The following RGS6 variants were observed in gnomAD, a reference collection of about 807,000 sequenced individuals.
RGS6 encodes the protein regulator of G protein signaling 6, also known as regulator of G-protein signaling 6.
A neutral mutation model predicts 78.5 loss-of-function variants in RGS6; 30 were observed. The observed-to-expected ratio is 0.38, with a 90% CI of 0.29 to 0.52. The LOEUF is 0.52. Among genes scored for constraint, RGS6 ranks in the 20% least tolerant of loss-of-function variants. The pLI, the probability that RGS6 is intolerant of heterozygous loss-of-function variation, is 0.85. For synonymous variants in RGS6, 206 were observed against 206.0 expected (o/e 1.00, Z 0.00); for missense variants, 495 against 609.7 (o/e 0.81, Z 1.98).
intron 3 of RGS6, among the ~76,000 whole-genome samples, chr14:72,403,487 G>T (rs2092657652): frequency 6.6e-6 from 1 of 152,148 alleles, no homozygotes; most frequent in South Asian, 2.1e-4. Context: ...TTGGTTCAAG[G>T]TTACAAAATT....
chr14:71,889,891 G>A, the RGS6 span, among the ~76,000 whole-genome samples: 3 of 151,986 alleles, frequency 2.0e-5, no homozygotes, highest in African/African-American at 7.3e-5. Context: ...AAAGTGTGTA[G>A]CACCTCCTCT....
chr14:72,446,719 T>C (rs1459933201), intron 3 of RGS6, among the ~76,000 whole-genome samples: 1 of 152,216 alleles, frequency 6.6e-6, no homozygotes, highest in East Asian at 1.9e-4. Context: ...TGAGCTTGTT[T>C]TCCTGTAACT....
chr14:72,083,336 C>A (rs1024408000), intron 2 of RGS6, among the ~76,000 whole-genome samples: 1 of 152,170 alleles, frequency 6.6e-6, no homozygotes, highest in African/African-American at 2.4e-5. Context: ...GGGTCCCCTA[C>A]TACTGGTATC....
chr14:71,868,133 G>A, the RGS6 span, among the ~76,000 whole-genome samples: 2 of 152,168 alleles, frequency 1.3e-5, no homozygotes, highest in Non-Finnish European at 2.9e-5. Flanking sequence ...AACATCAGCA[G>A]GAATTGCATA....
the RGS6 span, among the ~76,000 whole-genome samples, chr14:71,873,437 C>T: frequency 6.2e-3 from 946 of 152,258 alleles, 9 homozygotes; most frequent in Non-Finnish European, 0.01. Context: ...GCATAAATGT[C>T]TTCTTTTGAG....
At chr14:72,114,507 T>G (rs1163199584) in intron 2 of RGS6, among the ~76,000 whole-genome samples, 1 of 152,196 alleles carries the variant, frequency 6.6e-6, no homozygotes, top group East Asian at 1.9e-4. Context: ...GCTGTCATCT[T>G]CATAATGTGG....
At chr14:72,192,823 T>TAGCCATGGA (rs2097344288) in intron 2 of RGS6, among the ~76,000 whole-genome samples, 1 of 152,186 alleles carries the variant, frequency 6.6e-6, no homozygotes, top group South Asian at 2.1e-4. Context: ...GCTCTCTTAT[T>TAGCCATGGA]AGCCTTCAGG....
chr14:72,452,237 TCTCTCTCTCTCTCTCTCC>T (rs2095514175), intron 3 of RGS6, among the ~76,000 whole-genome samples: 3 of 151,924 alleles, frequency 2.0e-5, no homozygotes. Flanking sequence ...TCTCTCTCTC[TCTCTCTCTCTCTCTCTCC>T]AAGAATACGA....
the RGS6 span, among the ~76,000 whole-genome samples, chr14:72,573,944 A>G: frequency 6.6e-6 from 1 of 152,354 alleles, no homozygotes; most frequent in South Asian, 2.1e-4. Flanking sequence ...GAGCCCTCAG[A>G]TAAATGCATC....
chr14:72,062,728 G>T (rs1238055831), intron 2 of RGS6, among the ~76,000 whole-genome samples: 1 of 152,244 alleles, frequency 6.6e-6, no homozygotes, highest in Admixed American at 6.5e-5. Flanking sequence ...TATTGCATAT[G>T]TGAGCCTGGA....
intron 1 of RGS6, among the ~76,000 whole-genome samples, chr14:71,940,200 A>C (rs1260577632): frequency 6.6e-6 from 1 of 152,202 alleles, no homozygotes; most frequent in African/African-American, 2.4e-5. Flanking sequence ...GTAGTCCCCG[A>C]AATGTCTGAT....
intron 2 of RGS6, among the ~76,000 whole-genome samples, chr14:71,985,343 C>G (rs567373915): frequency 7.9e-5 from 12 of 152,132 alleles, no homozygotes; most frequent in South Asian, 2.1e-4. Flanking sequence ...AGAATGGTCT[C>G]GATCTCTTGA....
chr14:71,870,796 T>G, the RGS6 span, among the ~76,000 whole-genome samples: 20 of 152,258 alleles, frequency 1.3e-4, no homozygotes, highest in African/African-American at 4.1e-4. Context: ...CCTCCCAGTG[T>G]GGGCCCAGGA....
At chr14:72,623,444 G>A in the RGS6 span, among the ~76,000 whole-genome samples, 50 of 152,030 alleles carry the variant, frequency 3.3e-4, no homozygotes, top group Non-Finnish European at 5.6e-4. Context: ...TCCTTAGTAG[G>A]ACATACCTTA....
chr14:72,261,700 C>T (rs979856543), intron 2 of RGS6, among the ~76,000 whole-genome samples: 2 of 152,156 alleles, frequency 1.3e-5, no homozygotes, highest in Admixed American at 1.3e-4. Context: ...GAAGGAGGCA[C>T]CTTCTCTTGC....
chr14:72,099,000 A>C (rs1018267485), intron 2 of RGS6, among the ~76,000 whole-genome samples: 4 of 152,174 alleles, frequency 2.6e-5, no homozygotes, highest in African/African-American at 9.7e-5. Context: ...CATCCTTAGA[A>C]TTGTATGGCT....
chr14:72,182,441 C>T (rs558807473), intron 2 of RGS6, among the ~76,000 whole-genome samples: 23 of 145,124 alleles, frequency 1.6e-4, no homozygotes, highest in East Asian at 7.9e-4. Context: ...AAAAAGCAAG[C>T]AAGAAAGTAA....
chr14:72,198,289 G>A (rs897161638), intron 2 of RGS6, among the ~76,000 whole-genome samples: 16 of 152,192 alleles, frequency 1.1e-4, no homozygotes, highest in Non-Finnish European at 1.9e-4. Flanking sequence ...AGAAGTCCAG[G>A]CTTCAGTGAG....
intron 2 of RGS6, among the ~76,000 whole-genome samples, chr14:72,053,186 C>A (rs1173318927): frequency 2.7e-5 from 4 of 146,080 alleles, no homozygotes; most frequent in Non-Finnish European, 6.0e-5. Context: ...GTGGCATGAT[C>A]TTGGCTCACT....
Sources: allele counts gnomAD v4.1 joint callset (sites outside exome capture counted in the v4.1 genomes callset), GRCh38; gene constraint gnomAD v4.1.1; transcripts MANE v1.5; gene names NCBI Gene and HGNC (gene_info 2026-07-23, HGNC 2026-07-21).